Variants in APOB observed in about 807,000 individuals in gnomAD.
The protein encoded by APOB is apolipoprotein B.
In APOB, 153 loss-of-function variants were observed where a neutral mutation model predicts 314.1. The ratio of observed to expected loss-of-function variants is 0.49; its 90% CI spans 0.43 to 0.56. The LOEUF (loss-of-function observed/expected upper bound fraction) is 0.56. Ranked by LOEUF, APOB falls within the 20% of genes least tolerant of loss-of-function variation. APOB has a pLI of 0.00. For missense variants in APOB, 5,430 were observed against 5,350.7 expected (o/e 1.01, Z -0.46); for synonymous variants, 2,087 against 2,036.4 (o/e 1.02, Z -0.67).
chr2:21,023,714 G>T, intron 16 of APOB, 22 bp from the exon 17 acceptor site: 1 of 1,570,534 alleles, frequency 6.4e-7, no homozygotes, highest in Non-Finnish European at 8.6e-7. Flanking sequence ...ACAAGGGAGA[G>T]CAAATAAAAG....
In APOB at chr2:21,013,293, A is replaced by G; in HGVS notation, c.4083T>C (p.Asn1361=). 1.2e-6 allele frequency: 2 copies of G among 1,614,218 alleles called. No homozygotes were observed. Among genetic ancestry groups the G allele is most frequent in the Non-Finnish European group, 8.5e-7 (1 of 1,180,034 alleles). The change falls in exon 25 of 29, where the codon AAT becomes AAC. Residue 1361 remains asparagine, a synonymous_variant. Coordinates refer to ENST00000233242, the MANE Select transcript of APOB (RefSeq NM_000384.3). ...PLLGVLDLST[N]VYSNLYNWSA... ...ACCAGTTGTACAAGTTGCTGTAGAC[A>G]TTCGTGGAGAGGTCTAGAACACCCA...
Position 21,011,033 on chromosome 2 carries a change from A to G in APOB, c.5835T>C (p.Asp1945=), listed in dbSNP as rs1572784041. Residue 1945 remains aspartate (D), a synonymous_variant, in exon 26 of 29, where the codon GAT becomes GAC. Transcript: ENST00000233242. ...AEPLAFTFSH[D]YKGSTSHHLV... ...GATGATGACTTGTGGAGCCTTTGTA[A>G]TCATGAGAGAAAGTAAATGCCAGAG... is the stretch of plus-strand genomic sequence containing the variant. The G allele has an allele frequency of 1.2e-6, 2 of 1,614,160 alleles. No homozygotes were observed. The highest frequency in any genetic ancestry group is 1.7e-6 in the Non-Finnish European group (2 of 1,180,012).
Position 21,004,552 on chromosome 2 carries a change from G to T in APOB, c.11903+9C>A. Reference sequence around the variant, plus strand: ...GGTATAAGGTTTCAATTCAATAAAAGCTCCATACTGAAGTCCTTCATATTT... The same window carrying T: ...GGTATAAGGTTTCAATTCAATAAAATCTCCATACTGAAGTCCTTCATATTT... On this transcript the variant is annotated intron_variant, in intron 27 of 28. Coordinates refer to ENST00000233242, the MANE Select transcript of APOB (RefSeq NM_000384.3). 1 of 1,612,550 alleles carries T rather than the reference G, an allele frequency of 6.2e-7. No homozygotes were observed. The highest frequency in any genetic ancestry group is 8.5e-7 in the Non-Finnish European group (1 of 1,178,610).
chr2:21,002,010 G>A lies in APOB; in HGVS notation c.13412C>T (p.Ala4471Val), dbSNP rs749549578. 1.2e-6 allele frequency: 2 copies of A among 1,613,960 alleles called. No homozygotes were observed. Among genetic ancestry groups the A allele is most frequent in the Admixed American group, 1.7e-5 (1 of 60,010 alleles). The change falls in exon 29 of 29, where the codon GCC becomes GTC. Residue 4471 changes from alanine (A) to valine (V), a missense_variant. Ala to Val is a moderately conservative substitution (Grantham distance 64, BLOSUM62 0). Transcript: ENST00000233242. Reference sequence around the variant, plus strand: ...GCTTTTAATTATTTCCTGAGCAGTGGCAGAAAGCTCTGCAATCTTCTCTTT... The same window carrying A: ...GCTTTTAATTATTTCCTGAGCAGTGACAGAAAGCTCTGCAATCTTCTCTTT... ...KGKEKIAELS[A>V]TAQEIIKSQA...
At position 21,010,015 on chromosome 2, in the gene APOB, A is replaced by C. The variant is rs1296527554; in HGVS notation, c.6853T>G (p.Leu2285Val). Residue 2285 changes from leucine to valine, a missense_variant, in exon 26 of 29, where the codon TTA becomes GTA. Leu to Val is a conservative substitution (Grantham distance 32). This residue lies in a region of APOB where 3,281 missense variants were observed against 3,171.0 expected (regional missense o/e 1.03). Coordinates refer to ENST00000233242, the MANE Select transcript of APOB (RefSeq NM_000384.3). ...TCAATAGCCTCAATGTGTTGTTTTA[A>C]CTTTCCAGCTAGGTGCTGGATGTCT... The part of the protein sequence containing the change: ...NIDIQHLAGK[L>V]KQHIEAIDVR... The C allele has an allele frequency of 5.0e-6, 8 of 1,613,572 alleles. No individual in the cohort carries two copies. The Admixed American group carries it at 1.2e-4, about 24-fold the overall frequency.
Position 21,006,752 on chromosome 2 carries a change from A to G in APOB, c.10116T>C (p.Ser3372=), listed in dbSNP as rs771603612. The change falls in exon 26 of 29, where the codon TCT becomes TCC. Residue 3372 remains serine, a synonymous_variant. Coordinates refer to ENST00000233242, the MANE Select transcript of APOB (RefSeq NM_000384.3). ...ATTTGTACTGCAGTGCATCAATGAC[A>G]GATGAAGATGAAGAAAGGAGATGAG... The part of the protein sequence containing the change: ...IVAHLLSSSS[S]VIDALQYKLE... 2 of 1,614,122 alleles carry G rather than the reference A, an allele frequency of 1.2e-6. No individual in the cohort carries two copies. Among genetic ancestry groups the G allele is most frequent in the South Asian group, 2.2e-5 (2 of 91,084 alleles).
At chr2:21,016,677 GAT>G in intron 20 of APOB, 28 bp from the exon 21 acceptor site, 1 of 1,456,364 alleles carries the variant, frequency 6.9e-7, no homozygotes, top group Middle Eastern at 1.7e-4. Context: ...AGAATCAAGA[GAT>G]GTGTGGTAAG....
At chr2:21,037,689 T>C (rs1664041071) in intron 5 of APOB, among the ~76,000 whole-genome samples, 1 of 152,112 alleles carries the variant, frequency 6.6e-6, no homozygotes, top group Non-Finnish European at 1.5e-5. Flanking sequence ...AGGTGAAGCA[T>C]CAAACAAAAG....
chr2:21,005,874 A>G lies in APOB; in HGVS notation c.10994T>C (p.Leu3665Ser), dbSNP rs772922974. Residue 3665 changes from leucine to serine, a missense_variant, in exon 26 of 29, where the codon TTA becomes TCA. This residue lies in a region of APOB where 3,281 missense variants were observed against 3,171.0 expected (regional missense o/e 1.03). Transcript: ENST00000233242. ...EKAHLDIAGSLEGHLRFLKNI... is the reference protein window; with the variant it reads ...EKAHLDIAGSSEGHLRFLKNI... ...TTTGAGGAACCTTAGGTGTCCTTCT[A>G]AGGATCCTGCAATGTCAAGGTGTGC... 50 of 1,613,856 alleles carry G rather than the reference A, an allele frequency of 3.1e-5. No homozygotes were observed. Among genetic ancestry groups the G allele is most frequent in the Non-Finnish European group, 4.2e-5 (50 of 1,179,950 alleles).
rs1663151480 is a variant in APOB, at chr2:21,006,702, C to T, written c.10166G>A (p.Arg3389Lys). 5 of 1,614,072 alleles carry T rather than the reference C, an allele frequency of 3.1e-6. No individual in the cohort carries two copies. Among genetic ancestry groups the T allele is most frequent in the Non-Finnish European group, 4.2e-6 (5 of 1,179,956 alleles). Residue 3389 changes from arginine (R) to lysine (K), a missense_variant, in exon 26 of 29, where the codon AGA (arginine) becomes AAA (lysine). Around this residue, in one of 3 missense-constraint regions of APOB, gnomAD observed 3,281 missense variants for 3,171.0 expected, o/e 1.03. Transcript: ENST00000233242. ...TGTGGCTAACTTCAATCCCCTTTTT[C>T]TTGTCAATCTTGTGGTGCCCTCTAA... ...YKLEGTTRLT[R>K]KRGLKLATAL...
intron 23 of APOB, 60 bp downstream of exon 23, chr2:21,015,013 G>T: frequency 6.6e-7 from 1 of 1,509,128 alleles, no homozygotes; most frequent in Non-Finnish European, 9.2e-7. Flanking sequence ...CTAGCTCAGA[G>T]TTGAGGATGT....
intron 9 of APOB, 139 bp from the exon 10 acceptor site, chr2:21,032,720 G>T: frequency 1.4e-6 from 1 of 732,374 alleles, no homozygotes; most frequent in South Asian, 1.5e-5. Context: ...CCAACTTGGA[G>T]CTCAGAACCA....
At chr2:21,033,009 C>A (rs1663916765) in intron 9 of APOB, among the ~76,000 whole-genome samples, 1 of 152,154 alleles carries the variant, frequency 6.6e-6, no homozygotes, top group Non-Finnish European at 1.5e-5. Context: ...TGGAGAGCAC[C>A]TGCAATAGAC....
At position 21,011,986 on chromosome 2, in the gene APOB, C is replaced by T; in HGVS notation, c.4882G>A (p.Ala1628Thr). The change falls in exon 26 of 29, where the codon GCT (alanine) becomes ACT (threonine). Residue 1628 changes from alanine (A) to threonine (T), a missense_variant. Coordinates refer to ENST00000233242, the MANE Select transcript of APOB (RefSeq NM_000384.3). Reference sequence around the variant, plus strand: ...ATTTTGTCAGTGCCTAAGATGTCAGCATTTAACTCAAGACCATGGGAATTT... The same window carrying T: ...ATTTTGTCAGTGCCTAAGATGTCAGTATTTAACTCAAGACCATGGGAATTT... ...SLNSHGLELN[A>T]DILGTDKINS... 1 of 1,614,150 alleles carries T rather than the reference C, an allele frequency of 6.2e-7. No individual in the cohort carries two copies.
At position 21,007,423 on chromosome 2, in the gene APOB, C is replaced by A; in HGVS notation, c.9445G>T (p.Asp3149Tyr). ...YTIITTPPLK[D>Y]FSLWEKTGLK... is the part of the protein sequence containing the mutation. ...CCTGTTTTTTCCCATAGAGAGAAAT[C>A]TTTCAGTGGAGGAGTTGTGATTATT... The change falls in exon 26 of 29, where the codon GAT becomes TAT. Residue 3149 changes from aspartate (D) to tyrosine (Y), a missense_variant. This residue lies in a region of APOB where 3,281 missense variants were observed against 3,171.0 expected (regional missense o/e 1.03). Coordinates refer to ENST00000233242, the MANE Select transcript of APOB (RefSeq NM_000384.3). The A allele has an allele frequency of 6.2e-7, 1 of 1,613,970 alleles. No homozygotes were observed.
At chr2:21,020,650 A>G (rs1663584512) in intron 18 of APOB, among the ~76,000 whole-genome samples, 2 of 152,356 alleles carry the variant, frequency 1.3e-5, no homozygotes, top group African/African-American at 4.8e-5. Flanking sequence ...GTGTGTACTT[A>G]AAAACTTAGT....
At chr2:21,014,696 T>G in intron 23 of APOB, 103 bp from the exon 24 acceptor site, 1 of 1,195,088 alleles carries the variant, frequency 8.4e-7, no homozygotes, top group Non-Finnish European at 1.2e-6. Context: ...ATTATTAAGC[T>G]GGACAATGCA....
chr2:21,012,221 A>G lies in APOB; in HGVS notation c.4647T>C (p.Asp1549=). Residue 1549 remains aspartate (D), a synonymous_variant, in exon 26 of 29, where the codon GAT becomes GAC. Transcript: ENST00000233242. ...DGTLSLTSTS[D]LQSGIIKNTA... ...TATTTTTAATGATGCCACTTTGCAG[A>G]TCAGAGGTGGAGGTGAGGGAGAGGG... The G allele has an allele frequency of 6.2e-7, 1 of 1,609,132 alleles. No homozygotes were observed.
At position 21,010,743 on chromosome 2, in the gene APOB, A is replaced by T. The variant is rs371224295; in HGVS notation, c.6125T>A (p.Met2042Lys). The change falls in exon 26 of 29, where the codon ATG becomes AAG. Residue 2042 changes from methionine to lysine, a missense_variant. By Grantham distance (95) the Met-to-Lys change is moderately conservative. This residue lies in a region of APOB where 3,281 missense variants were observed against 3,171.0 expected (regional missense o/e 1.03). Transcript: ENST00000233242. ...TTGGGGCTTCTCAACGGCATCTCTC[A>T]TCTCTAAAGCATCAATGATATTGAT... ...EPINIIDALEMRDAVEKPQEF... is the reference protein window; with the variant it reads ...EPINIIDALEKRDAVEKPQEF... 1 of 1,613,960 alleles carries T rather than the reference A, an allele frequency of 6.2e-7. No homozygotes were observed. The highest frequency in any genetic ancestry group is 8.5e-7 in the Non-Finnish European group (1 of 1,179,942).
Sources: gnomAD v4.1 joint callset for allele counts (sites outside exome capture counted in the v4.1 genomes callset) on GRCh38, gnomAD v4.1.1 for gene constraint, gnomAD v4.1.1 regional missense constraint, MANE v1.5 for transcripts, NCBI Gene and HGNC (gene_info 2026-07-23, HGNC 2026-07-21) for gene names.